AFF3: variants seen among roughly 807,000 people sequenced by gnomAD.
AFF3 encodes the protein AF4/FMR2 family member 3.
A neutral mutation model predicts 129.7 loss-of-function variants in AFF3; 32 were observed. The observed-to-expected ratio is 0.25, with a 90% confidence interval of 0.19 to 0.33. The LOEUF (loss-of-function observed/expected upper bound fraction) is 0.33, where lower values mean the gene tolerates loss of function less well. Ranked by LOEUF, AFF3 falls within the 10% of genes least tolerant of loss-of-function variation. AFF3 has a pLI of 1.00. For missense variants in AFF3, 1,373 were observed against 1,592.0 expected (o/e 0.86, Z 2.34); for synonymous variants, 644 against 635.4 (o/e 1.01, Z -0.20).
intron 7 of AFF3, among the ~76,000 whole-genome samples, chr2:100,004,860 A>C (rs962870318): frequency 3.4e-5 from 5 of 145,384 alleles, no homozygotes; most frequent in East Asian, 1.9e-4. Context: ...CCCCTTCACA[A>C]AAAAAAAAAG....
intron 13 of AFF3, among the ~76,000 whole-genome samples, chr2:99,619,636 G>T (rs991103337): frequency 6.6e-6 from 1 of 152,170 alleles, no homozygotes; most frequent in African/African-American, 2.4e-5. Flanking sequence ...CCCGGGATTG[G>T]GTAATTCTGA....
chr2:99,923,341 C>T lies in AFF3; in HGVS notation c.873+83291G>A, dbSNP rs531765150. ...GTCTGAATCACATTTGTGATGCTTACCACAGTACAGATTGTTAATTTCTAC... is the reference window on the plus strand; with the variant it reads ...GTCTGAATCACATTTGTGATGCTTATCACAGTACAGATTGTTAATTTCTAC... On this transcript the variant is annotated intron_variant, in intron 7 of 24. Transcript: ENST00000672756. Among the ~76,000 whole-genome samples, 6 of 152,332 alleles carry T rather than the reference C, an allele frequency of 3.9e-5. No individual in the cohort carries two copies. The South Asian group carries it at 6.2e-4, about 16-fold the overall frequency.
intron 7 of AFF3, among the ~76,000 whole-genome samples, chr2:99,891,915 C>T (rs1253607041): frequency 2.6e-5 from 4 of 151,968 alleles, no homozygotes; most frequent in African/African-American, 7.3e-5. Flanking sequence ...CTCCGCCTCC[C>T]GGGTTCACGC....
intron 4 of AFF3, among the ~76,000 whole-genome samples, chr2:100,064,824 C>A (rs6716201): frequency 1.3e-5 from 2 of 152,200 alleles, no homozygotes; most frequent in Non-Finnish European, 1.5e-5. Context: ...AAAGCATCTA[C>A]GCTGTTCTCT....
intron 7 of AFF3, among the ~76,000 whole-genome samples, chr2:99,837,741 C>T (rs936988510): frequency 5.9e-5 from 9 of 152,030 alleles, no homozygotes; most frequent in Non-Finnish European, 1.0e-4. Context: ...GCACCACACA[C>T]GCACCCCAGA....
At chr2:100,086,000 T>A (rs1429542850) in intron 4 of AFF3, among the ~76,000 whole-genome samples, 1 of 152,206 alleles carries the variant, frequency 6.6e-6, no homozygotes, top group African/African-American at 2.4e-5. Flanking sequence ...GTGCAGACAC[T>A]GAGTTACATC....
At chr2:99,650,281 G>C (rs752177055) in intron 12 of AFF3, among the ~76,000 whole-genome samples, 1 of 152,146 alleles carries the variant, frequency 6.6e-6, no homozygotes, top group Non-Finnish European at 1.5e-5. Context: ...TGGGAGGGCT[G>C]GGTGCGGTGG....
chr2:100,107,679 G>A (rs1424356924), intron 2 of AFF3, among the ~76,000 whole-genome samples: 1 of 152,146 alleles, frequency 6.6e-6, no homozygotes, highest in Non-Finnish European at 1.5e-5. Context: ...GGCTTCCCGG[G>A]TCAGGTTGGT....
intron 12 of AFF3, among the ~76,000 whole-genome samples, chr2:99,654,962 C>T (rs1685614525): frequency 6.6e-6 from 1 of 152,084 alleles, no homozygotes; most frequent in South Asian, 2.1e-4. Context: ...GTAATTGGGT[C>T]AAGCACTGAA....
At chr2:99,889,753 G>A (rs1693405381) in intron 7 of AFF3, among the ~76,000 whole-genome samples, 1 of 152,166 alleles carries the variant, frequency 6.6e-6, no homozygotes, top group Non-Finnish European at 1.5e-5. Context: ...CTGCCTCCAG[G>A]GTTCAAGCAA....
intron 7 of AFF3, among the ~76,000 whole-genome samples, chr2:99,886,186 T>C (rs1033107810): frequency 6.6e-6 from 1 of 152,188 alleles, no homozygotes; most frequent in African/African-American, 2.4e-5. Context: ...TCCAGTTAGA[T>C]TGCACCTTTC....
chr2:99,594,544 G>A (rs564707849), intron 14 of AFF3, among the ~76,000 whole-genome samples: 190 of 152,280 alleles, frequency 1.2e-3, no homozygotes, highest in African/African-American at 4.4e-3. Context: ...GAAAAATAAG[G>A]AAAGCATTGT....
chr2:99,941,050 G>A (rs1168586120), intron 7 of AFF3, among the ~76,000 whole-genome samples: 2 of 152,166 alleles, frequency 1.3e-5, no homozygotes, highest in East Asian at 3.9e-4. Context: ...CACTGTGGTA[G>A]AGCAGGAGCA....
intron 4 of AFF3, among the ~76,000 whole-genome samples, chr2:100,049,720 T>C (rs1222187165): frequency 2.0e-5 from 3 of 152,184 alleles, no homozygotes; most frequent in African/African-American, 4.8e-5. Context: ...CCCATCTCCA[T>C]GACACCATTT....
intron 7 of AFF3, among the ~76,000 whole-genome samples, chr2:99,851,985 C>G (rs775040300): frequency 3.9e-5 from 6 of 152,158 alleles, no homozygotes; most frequent in Non-Finnish European, 7.3e-5. Context: ...AGGTCACGGG[C>G]AGGACAGCAA....
intron 4 of AFF3, among the ~76,000 whole-genome samples, chr2:100,025,755 G>T (rs1395247623): frequency 6.6e-6 from 1 of 152,140 alleles, no homozygotes; most frequent in African/African-American, 2.4e-5. Flanking sequence ...AATACTTACA[G>T]CCAACTGATC....
Position 100,007,279 on chromosome 2 carries a change from T to C in AFF3, c.356A>G (p.Gln119Arg). The C allele has an allele frequency of 6.2e-7, 1 of 1,614,146 alleles. No homozygotes were observed. The highest frequency in any genetic ancestry group is 8.5e-7 in the Non-Finnish European group (1 of 1,180,024). The change falls in exon 6 of 25, where the codon CAG becomes CGG. Residue 119 changes from glutamine (Q) to arginine (R), a missense_variant. By Grantham distance (43) the Gln-to-Arg change is conservative. This residue lies in a region of AFF3 where 255 missense variants were observed against 256.0 expected (regional missense o/e 1.00). Transcript: ENST00000672756. ...GCTACAGATAGACGAGGGCTGGTTC[T>C]GGGCTCTTGAATCTGCAACAAAATG... The part of the protein sequence containing the change: ...DEHFVADSRA[Q>R]NQPSSICSTT...
chr2:99,554,841 A>C, intron 22 of AFF3, 109 bp from the exon 23 acceptor site: 1 of 1,258,328 alleles, frequency 7.9e-7, no homozygotes, highest in Non-Finnish European at 1.1e-6. Context: ...CAGACACTGC[A>C]GGAAAAAGGC....
chr2:100,086,687 C>G (rs1360973724), intron 4 of AFF3, among the ~76,000 whole-genome samples: 5 of 152,140 alleles, frequency 3.3e-5, no homozygotes, highest in African/African-American at 1.2e-4. Flanking sequence ...CAAGGTTATT[C>G]TACTATTGAA....
Sources: allele counts gnomAD v4.1 joint callset (sites outside exome capture counted in the v4.1 genomes callset), GRCh38; gene constraint gnomAD v4.1.1; regional missense constraint gnomAD v4.1.1; transcripts MANE v1.5; gene names NCBI Gene and HGNC (gene_info 2026-07-23, HGNC 2026-07-21).